The following POC1B variants were observed in gnomAD, a reference collection of about 807,000 sequenced individuals.
POC1B encodes the protein POC1 centriolar protein B, also known as POC1 centriolar protein homolog B.
POC1B carries 44 observed loss-of-function variants against 60.6 expected under a neutral mutation model. That is an observed-to-expected ratio of 0.73 (90% CI 0.57 to 0.93). The LOEUF is 0.93. Among genes scored for constraint, POC1B ranks in the 40% least tolerant of loss-of-function variants. POC1B has a pLI of 0.00. For synonymous variants in POC1B, 180 were observed against 198.9 expected, an observed-to-expected ratio of 0.90 and a Z score of 0.80; for missense variants, 555 against 572.3, an observed-to-expected ratio of 0.97 and a Z score of 0.31.
chr12:89,417,603 A>G (rs190468841), downstream of POC1B, among the ~76,000 whole-genome samples: 18 of 152,384 alleles, frequency 1.2e-4, no homozygotes, highest in Admixed American at 2.0e-4. Flanking sequence ...AACATCTACT[A>G]TAACAACTTG....
At chr12:89,451,735 A>G (rs954682235) in intron 10 of POC1B, among the ~76,000 whole-genome samples, 2 of 152,238 alleles carry the variant, frequency 1.3e-5, no homozygotes, top group African/African-American at 4.8e-5. Context: ...ATGTGTTAGC[A>G]GACTTGCTGA....
chr12:89,523,294 A>G, intron 2 of POC1B: 3 of 1,614,052 alleles, frequency 1.9e-6, no homozygotes, highest in Non-Finnish European at 2.5e-6. Flanking sequence ...CTTGCATCTC[A>G]ACCGCTCTCG....
chr12:89,525,457 T>A, intron 1 of POC1B: 1 of 1,347,640 alleles, frequency 7.4e-7, no homozygotes, highest in African/African-American at 1.5e-5. Context: ...GTCCAGCGCA[T>A]CGCAGGAACC....
chr12:89,494,406 T>C (rs1257667503), intron 3 of POC1B, among the ~76,000 whole-genome samples: 2 of 152,066 alleles, frequency 1.3e-5, no homozygotes, highest in Non-Finnish European at 2.9e-5. Flanking sequence ...TCTGCAAATA[T>C]GGCTGCCAAT....
chr12:89,475,985 C>T (rs1592612558), intron 4 of POC1B, among the ~76,000 whole-genome samples: 1 of 123,378 alleles, frequency 8.1e-6, no homozygotes, highest in South Asian at 2.7e-4. Context: ...CGGCTTATTT[C>T]AGCCTCGACC....
chr12:89,454,295 G>C (rs934782118), intron 10 of POC1B, among the ~76,000 whole-genome samples: 2 of 152,080 alleles, frequency 1.3e-5, no homozygotes, highest in Non-Finnish European at 2.9e-5. Flanking sequence ...AATCCTCTTG[G>C]CTCTGCCTTC....
At chr12:89,459,610 C>CCAA in intron 10 of POC1B, 28 bp downstream of exon 10, 1 of 882,600 alleles carries the variant, frequency 1.1e-6, no homozygotes, top group South Asian at 2.8e-5. Flanking sequence ...ACTTAAGTGT[C>CCAA]AAAAAAAAAA....
intron 4 of POC1B, among the ~76,000 whole-genome samples, chr12:89,480,094 T>C (rs1883261761): frequency 6.6e-6 from 1 of 152,094 alleles, no homozygotes; most frequent in Admixed American, 6.5e-5. Context: ...TTAATTACTA[T>C]GGTTTTATAT....
At position 89,502,046 on chromosome 12, in the gene POC1B, C is replaced by T. The variant is rs1015587899; in HGVS notation, c.101-4704G>A. The T allele has an allele frequency of 4.1e-6, 4 of 984,428 alleles. No individual in the cohort carries two copies. In the African/African-American group the frequency reaches 4.8e-5, roughly 12 times the overall value. 61.0% of individuals were successfully genotyped at this position (984,428 alleles called of 1,614,324 possible). The stretch of plus-strand genomic sequence containing the variant: ...TCAAAGAATGAAGATAATATTATGA[C>T]TGCACAGAATGTTCCCCTAAAGCCT... On this transcript the variant is annotated intron_variant, in intron 2 of 11. Coordinates refer to ENST00000313546, the MANE Select transcript of POC1B (RefSeq NM_172240.3).
chr12:89,468,780 C>G (rs1882777641), intron 7 of POC1B, among the ~76,000 whole-genome samples: 1 of 152,056 alleles, frequency 6.6e-6, no homozygotes, highest in African/African-American at 2.4e-5. Context: ...TAACGCAAAG[C>G]AGGAAGCCAG....
At chr12:89,436,443 A>G (rs934389814) in intron 10 of POC1B, among the ~76,000 whole-genome samples, 21 of 152,072 alleles carry the variant, frequency 1.4e-4, no homozygotes, top group African/African-American at 5.1e-4. Flanking sequence ...GCTGGGCACA[A>G]TGGCTCATGC....
At chr12:89,517,803 T>C (rs2135766871) in intron 2 of POC1B, among the ~76,000 whole-genome samples, 1 of 152,344 alleles carries the variant, frequency 6.6e-6, no homozygotes, top group African/African-American at 2.4e-5. Context: ...ATCTGCTTTC[T>C]TCCCCTCTGT....
At chr12:89,441,852 C>T (rs995684619) in intron 10 of POC1B, among the ~76,000 whole-genome samples, 6 of 152,114 alleles carry the variant, frequency 3.9e-5, no homozygotes, top group Non-Finnish European at 7.4e-5. Flanking sequence ...TCGAACCCAT[C>T]GCAAAGAAGT....
intron 10 of POC1B, among the ~76,000 whole-genome samples, chr12:89,447,603 A>G (rs985662834): frequency 6.6e-6 from 1 of 152,168 alleles, no homozygotes; most frequent in Non-Finnish European, 1.5e-5. Context: ...ATTATTTTAA[A>G]TATTTATCAT....
intron 2 of POC1B, chr12:89,522,281 T>G: frequency 2.5e-6 from 1 of 397,872 alleles, no homozygotes; most frequent in South Asian, 1.4e-4. Context: ...ACCAGGCCTT[T>G]TGCCTTAAGC....
At chr12:89,431,760 TAACA>T (rs1372148867) in intron 10 of POC1B, among the ~76,000 whole-genome samples, 1 of 152,250 alleles carries the variant, frequency 6.6e-6, no homozygotes, top group African/African-American at 2.4e-5. Flanking sequence ...ACTGCTGCTG[TAACA>T]AATTACCACA....
At chr12:89,446,609 G>A (rs1039397364) in intron 10 of POC1B, among the ~76,000 whole-genome samples, 17 of 152,090 alleles carry the variant, frequency 1.1e-4, no homozygotes, top group African/African-American at 3.6e-4. Flanking sequence ...TCGTGGGATG[G>A]GGAAGTGGGG....
the POC1B span, among the ~76,000 whole-genome samples, chr12:89,402,070 C>A: frequency 6.6e-6 from 1 of 152,290 alleles, no homozygotes; most frequent in Non-Finnish European, 1.5e-5. Context: ...CTGTAGGAAG[C>A]CTTGGAAGTG....
chr12:89,406,019 T>C, the POC1B span, among the ~76,000 whole-genome samples: 2 of 151,128 alleles, frequency 1.3e-5, no homozygotes, highest in Non-Finnish European at 3.0e-5. Context: ...GTTGTTTTCT[T>C]CACTGGAGGT....
Sources: gnomAD v4.1 joint callset for allele counts (sites outside exome capture counted in the v4.1 genomes callset) on GRCh38, gnomAD v4.1.1 for gene constraint, MANE v1.5 for transcripts, NCBI Gene and HGNC (gene_info 2026-07-23, HGNC 2026-07-21) for gene names.